The following ZNF407 variants were observed in gnomAD, a reference collection of about 807,000 sequenced individuals.
ZNF407 encodes the protein zinc finger protein 407.
In ZNF407, 17 loss-of-function variants were observed where a neutral mutation model predicts 131.2. The ratio of observed to expected loss-of-function variants is 0.13; its 90% CI spans 0.09 to 0.19. The LOEUF (loss-of-function observed/expected upper bound fraction) is 0.19. Ranked by LOEUF, ZNF407 falls within the 10% of genes least tolerant of loss-of-function variation. The pLI is 1.00. For synonymous variants in ZNF407, 1,156 were observed against 1,062.0 expected, an observed-to-expected ratio of 1.09 and a Z score of -1.72; for missense variants, 2,681 against 2,830.6, an observed-to-expected ratio of 0.95 and a Z score of 1.20.
At chr18:75,041,292 GT>G (rs1973369476) in intron 8 of ZNF407, among the ~76,000 whole-genome samples, 1 of 152,126 alleles carries the variant, frequency 6.6e-6, no homozygotes, top group Non-Finnish European at 1.5e-5. Flanking sequence ...GCCTTACCAC[GT>G]TCCTAAGTGA....
At chr18:75,014,849 G>A (rs968678034) in intron 8 of ZNF407, among the ~76,000 whole-genome samples, 2 of 152,076 alleles carry the variant, frequency 1.3e-5, no homozygotes, top group Non-Finnish European at 2.9e-5. Flanking sequence ...AAGTCAGCTT[G>A]TAGATGCCAT....
intron 1 of ZNF407, among the ~76,000 whole-genome samples, chr18:74,601,305 TTGTGTGTGTGTGTGTGTGTATGTCTGTG>T (rs1192989687): frequency 4.2e-5 from 6 of 141,258 alleles, no homozygotes; most frequent in East Asian, 2.1e-4. Context: ...CTTCAGTTAG[TTGTGTGTGTGTGTGTGTGTATGTCTGTG>T]TGTGTGTGTG....
intron 8 of ZNF407, among the ~76,000 whole-genome samples, chr18:74,921,703 A>G (rs903033093): frequency 1.3e-5 from 2 of 152,228 alleles, no homozygotes; most frequent in African/African-American, 4.8e-5. Context: ...AGGAGTTTGA[A>G]TGAACTCTCC....
chr18:74,873,207 A>G (rs556142578), intron 4 of ZNF407, among the ~76,000 whole-genome samples: 22 of 152,318 alleles, frequency 1.4e-4, no homozygotes, highest in East Asian at 3.9e-4. Context: ...AACTTTATTC[A>G]TGACATCTAG....
rs539434043 is a variant in ZNF407, at chr18:74,643,902, C to T, written c.4802+2780C>T. Among the ~76,000 whole-genome samples the T allele has an allele frequency of 1.2e-3, 175 of 151,954 alleles. 1 individual carries two copies. The highest frequency in any genetic ancestry group is 3.2e-3 in the Admixed American group (49 of 15,258). Reference sequence around the variant, plus strand: ...AGGATCAGTTTTAAGATACCATTACCCCCTTTTGCCCTGCCCCACTGGCAA... The same window carrying T: ...AGGATCAGTTTTAAGATACCATTACTCCCTTTTGCCCTGCCCCACTGGCAA... On this transcript the variant is annotated intron_variant, in intron 3 of 8. Transcript: ENST00000299687.
At chr18:74,874,687 C>T (rs948503277) in intron 4 of ZNF407, among the ~76,000 whole-genome samples, 2 of 152,212 alleles carry the variant, frequency 1.3e-5, no homozygotes, top group African/African-American at 4.8e-5. Context: ...GAAGCCTTCT[C>T]TTATCTGCCC....
chr18:74,810,587 G>T (rs1411342359), intron 4 of ZNF407, among the ~76,000 whole-genome samples: 2 of 152,128 alleles, frequency 1.3e-5, no homozygotes, highest in Non-Finnish European at 2.9e-5. Flanking sequence ...TTTATTCCTA[G>T]TGGTTTTCAT....
intron 8 of ZNF407, among the ~76,000 whole-genome samples, chr18:75,038,361 A>G (rs967212875): frequency 1.3e-5 from 2 of 152,214 alleles, no homozygotes; most frequent in Non-Finnish European, 2.9e-5. Flanking sequence ...AGGTGAATAC[A>G]GCGATTTCTG....
At chr18:74,857,053 T>G (rs1236105928) in intron 4 of ZNF407, among the ~76,000 whole-genome samples, 1 of 152,212 alleles carries the variant, frequency 6.6e-6, no homozygotes, top group Non-Finnish European at 1.5e-5. Context: ...TTTAAATGAT[T>G]TAAGAACGGG....
chr18:74,922,060 A>C (rs1272283762), intron 8 of ZNF407, among the ~76,000 whole-genome samples: 1 of 152,174 alleles, frequency 6.6e-6, no homozygotes, highest in Admixed American at 6.5e-5. Context: ...CCAGGGCTGT[A>C]TTTGGCAAAC....
At chr18:74,672,479 CCGTT>C (rs367609853) in intron 3 of ZNF407, among the ~76,000 whole-genome samples, 81 of 75,660 alleles carry the variant, frequency 1.1e-3, no homozygotes, top group East Asian at 2.6e-3. Context: ...CATTGGAGCA[CCGTT>C]TGTCTGTTCG....
intron 8 of ZNF407, chr18:75,061,136 T>C (rs1468843492): frequency 6.6e-6 from 1 of 152,218 alleles, no homozygotes; most frequent in Non-Finnish European, 1.5e-5. Context: ...TTTTAAGAGA[T>C]CCTAGCAATA....
At chr18:75,012,436 G>C (rs1487324663) in intron 8 of ZNF407, among the ~76,000 whole-genome samples, 1 of 151,618 alleles carries the variant, frequency 6.6e-6, no homozygotes, top group African/African-American at 2.4e-5. Flanking sequence ...GGCTCTGGGG[G>C]TATCTACAGT....
chr18:74,646,074 C>T (rs1984960596), intron 3 of ZNF407, among the ~76,000 whole-genome samples: 1 of 152,110 alleles, frequency 6.6e-6, no homozygotes, highest in South Asian at 2.1e-4. Flanking sequence ...TGCAGATAAA[C>T]ACAAGTGGCA....
At chr18:74,686,971 A>G (rs571393408) in intron 3 of ZNF407, among the ~76,000 whole-genome samples, 11 of 152,364 alleles carry the variant, frequency 7.2e-5, no homozygotes, top group African/African-American at 2.2e-4. Flanking sequence ...TGCTGAGGAT[A>G]CAAAAGTGAA....
intron 3 of ZNF407, among the ~76,000 whole-genome samples, chr18:74,642,635 C>T (rs957312275): frequency 6.6e-5 from 10 of 152,050 alleles, no homozygotes; most frequent in East Asian, 1.9e-4. Context: ...CACAATTGAT[C>T]GGCATTAGTT....
intron 4 of ZNF407, among the ~76,000 whole-genome samples, chr18:74,792,938 A>G (rs1282111510): frequency 6.6e-6 from 1 of 152,202 alleles, no homozygotes; most frequent in East Asian, 1.9e-4. Flanking sequence ...ATTAAAGAAA[A>G]TATCTTTTAT....
intron 3 of ZNF407, among the ~76,000 whole-genome samples, chr18:74,680,409 A>AG (rs1418931387): frequency 6.6e-6 from 1 of 151,356 alleles, no homozygotes; most frequent in Non-Finnish European, 1.5e-5. Flanking sequence ...TTAAAAAAAA[A>AG]AAAAAAATAG....
At chr18:74,868,889 G>C (rs1203067136) in intron 4 of ZNF407, among the ~76,000 whole-genome samples, 1 of 152,168 alleles carries the variant, frequency 6.6e-6, no homozygotes, top group Non-Finnish European at 1.5e-5. Flanking sequence ...TGAATCATAG[G>C]ATCCTTTTGG....
Sources: gnomAD v4.1 joint callset for allele counts (sites outside exome capture counted in the v4.1 genomes callset) on GRCh38, gnomAD v4.1.1 for gene constraint, MANE v1.5 for transcripts, NCBI Gene and HGNC (gene_info 2026-07-23, HGNC 2026-07-21) for gene names.